The following PPP3CB variants were observed in gnomAD, a reference collection of about 807,000 sequenced individuals.
The protein encoded by PPP3CB is serine/threonine-protein phosphatase 2B catalytic subunit beta isoform.
PPP3CB carries 8 observed loss-of-function variants against 66.4 expected under a neutral mutation model. The observed-to-expected ratio is 0.12, with a 90% confidence interval of 0.07 to 0.22. The LOEUF (loss-of-function observed/expected upper bound fraction) is 0.22. Ranked by LOEUF, PPP3CB falls within the 10% of genes least tolerant of loss-of-function variation. PPP3CB has a pLI of 1.00. For missense variants in PPP3CB, 319 were observed against 642.5 expected, an observed-to-expected ratio of 0.50 and a Z score of 5.44; for synonymous variants, 208 against 221.2, an observed-to-expected ratio of 0.94 and a Z score of 0.53.
chr10:73,463,872 C>T lies in PPP3CB; in HGVS notation c.1108+3681G>A, dbSNP rs538730943. ...GGATGGTCTCGATCTCCTGACCTCGCGATCTGCCTGCCTCGGCCTCCCAAA... is the reference window on the plus strand; with the variant it reads ...GGATGGTCTCGATCTCCTGACCTCGTGATCTGCCTGCCTCGGCCTCCCAAA... On this transcript the variant is annotated intron_variant, in intron 9 of 13. Coordinates refer to ENST00000360663, the MANE Select transcript of PPP3CB (RefSeq NM_021132.4). Among the ~76,000 whole-genome samples, 9 of 151,892 alleles carry T rather than the reference C, an allele frequency of 5.9e-5. No individual in the cohort carries two copies. In the South Asian group the frequency reaches 8.3e-4, roughly 14 times the overall value.
intron 8 of PPP3CB, among the ~76,000 whole-genome samples, chr10:73,470,212 C>A (rs918171107): frequency 1.3e-5 from 2 of 151,950 alleles, no homozygotes; most frequent in African/African-American, 4.8e-5. Flanking sequence ...AAATACAAAT[C>A]TTCATGGGGC....
Position 73,480,436 on chromosome 10 carries a change from T to G in PPP3CB, c.86-919A>C, listed in dbSNP as rs144037464. On this transcript the variant is annotated intron_variant, in intron 1 of 13. Transcript: ENST00000360663. ...AATGTTACCACTGCAAATTTATCCC[T>G]GTAATTTTTTTTTTTTTTTTTTTTT... Among the ~76,000 whole-genome samples the G allele has an allele frequency of 5.8e-3, 878 of 150,274 alleles. 10 individuals carry two copies. The highest frequency in any genetic ancestry group is 0.02 in the African/African-American group (828 of 40,576).
chr10:73,474,720 G>A (rs1359477872), intron 4 of PPP3CB, among the ~76,000 whole-genome samples, 199 bp downstream of exon 4: 3 of 152,084 alleles, frequency 2.0e-5, no homozygotes, highest in Non-Finnish European at 2.9e-5. Flanking sequence ...GATTACAGGC[G>A]TGAACCACCA....
intron 1 of PPP3CB, among the ~76,000 whole-genome samples, chr10:73,488,552 TAAAAAAAAAA>T (rs74262587): frequency 1.2e-5 from 1 of 84,752 alleles, no homozygotes; most frequent in African/African-American, 4.5e-5. Context: ...TCTTGAGGGT[TAAAAAAAAAA>T]AAAAAAAAAA....
intron 12 of PPP3CB, among the ~76,000 whole-genome samples, chr10:73,443,334 G>GAA (rs1332961784): frequency 1.5e-4 from 18 of 120,098 alleles, no homozygotes; most frequent in African/African-American, 2.6e-4. Flanking sequence ...GAAAGAAAAA[G>GAA]AAAGAGAAGA....
At chr10:73,439,515 A>G (rs2056113646) in intron 13 of PPP3CB, among the ~76,000 whole-genome samples, 1 of 152,212 alleles carries the variant, frequency 6.6e-6, no homozygotes, top group South Asian at 2.1e-4. Flanking sequence ...ATCATGCAAA[A>G]TATGGAACAG....
intron 12 of PPP3CB, among the ~76,000 whole-genome samples, chr10:73,443,312 GAAAGAAAGAAAGAAAGAA>G (rs1318936016): frequency 3.8e-5 from 5 of 131,576 alleles, no homozygotes; most frequent in Admixed American, 3.7e-4. Flanking sequence ...AAGAAAGAAA[GAAAGAAAGAAAGAAAGAA>G]AAAGAAAGAG....
At chr10:73,488,452 T>C (rs1048790529) in intron 1 of PPP3CB, among the ~76,000 whole-genome samples, 2 of 150,468 alleles carry the variant, frequency 1.3e-5, no homozygotes, top group African/African-American at 4.9e-5. Flanking sequence ...GAGGCTGAGT[T>C]GGGGGATCGC....
intron 1 of PPP3CB, among the ~76,000 whole-genome samples, chr10:73,484,052 G>T (rs2056928647): frequency 6.6e-6 from 1 of 151,952 alleles, no homozygotes; most frequent in Non-Finnish European, 1.5e-5. Context: ...TGAGGCACAA[G>T]AATCGCTTGA....
In PPP3CB at chr10:73,436,517, T is replaced by C. The variant is rs958405866; in HGVS notation, c.*1725A>G. ...CAAAATTCTAGACAATAACATATTT[T>C]CTTTCAATTAAAAGACAATAAACAG... On this transcript the variant is annotated 3_prime_UTR_variant, in exon 14 of 14. Transcript: ENST00000360663. The C allele has an allele frequency of 3.9e-5, 6 of 152,200 alleles. No individual in the cohort carries two copies. The highest frequency in any genetic ancestry group is 1.4e-4 in the African/African-American group (6 of 41,436). 9.4% of individuals were successfully genotyped at this position (152,200 alleles called of 1,614,324 possible).
chr10:73,446,349 C>T, intron 11 of PPP3CB, 143 bp downstream of exon 11: 2 of 742,196 alleles, frequency 2.7e-6, no homozygotes, highest in South Asian at 3.3e-5. Flanking sequence ...ATCCGCCCGC[C>T]TTGGCATCCC....
intron 9 of PPP3CB, among the ~76,000 whole-genome samples, chr10:73,466,541 C>T (rs1383959793): frequency 1.3e-5 from 2 of 152,112 alleles, no homozygotes; most frequent in African/African-American, 4.8e-5. Context: ...GTAATGCATC[C>T]CTTGCACCTA....
chr10:73,479,657 T>A, intron 1 of PPP3CB, 140 bp from the exon 2 acceptor site: 1 of 761,042 alleles, frequency 1.3e-6, no homozygotes, highest in South Asian at 2.2e-5. Flanking sequence ...GAAGTGTTTT[T>A]CTAAATAGTA....
intron 9 of PPP3CB, among the ~76,000 whole-genome samples, chr10:73,461,990 C>T (rs1423863018): frequency 3.9e-5 from 6 of 152,000 alleles, no homozygotes; most frequent in South Asian, 2.1e-4. Context: ...TCTTCCCCCT[C>T]GCTCTCTTGC....
chr10:73,481,220 T>C (rs896026980), intron 1 of PPP3CB, among the ~76,000 whole-genome samples: 1 of 148,362 alleles, frequency 6.7e-6, no homozygotes, highest in African/African-American at 2.5e-5. Flanking sequence ...ACACCTGAAA[T>C]CCCAGACTTG....
intron 1 of PPP3CB, among the ~76,000 whole-genome samples, chr10:73,479,973 G>A (rs2132975565): frequency 6.6e-6 from 1 of 152,088 alleles, no homozygotes; most frequent in East Asian, 1.9e-4. Flanking sequence ...ACCAGCCTGG[G>A]CAACACAGCG....
At chr10:73,478,678 T>G in intron 2 of PPP3CB, 55 bp from the exon 3 acceptor site, 1 of 1,497,776 alleles carries the variant, frequency 6.7e-7, no homozygotes, top group Non-Finnish European at 9.2e-7. Context: ...CAACAAATTT[T>G]ACTTAAGTTA....
Position 73,439,858 on chromosome 10 carries a change from G to A in PPP3CB, c.1396+14C>T, listed in dbSNP as rs989251423. On this transcript the variant is annotated intron_variant, in intron 13 of 13. Coordinates refer to ENST00000360663, the MANE Select transcript of PPP3CB (RefSeq NM_021132.4). Reference sequence around the variant, plus strand: ...ACCACAGATCTCTGCCCAGCACAAGGACTCTGATCATACCTTTTTCAGCCT... The same window carrying A: ...ACCACAGATCTCTGCCCAGCACAAGAACTCTGATCATACCTTTTTCAGCCT... The A allele has an allele frequency of 6.2e-7, 1 of 1,612,416 alleles. No individual in the cohort carries two copies. The highest frequency in any genetic ancestry group is 1.1e-5 in the South Asian group (1 of 91,010).
At chr10:73,443,336 AAGAG>A (rs1362024005) in intron 12 of PPP3CB, among the ~76,000 whole-genome samples, 1 of 139,438 alleles carries the variant, frequency 7.2e-6, no homozygotes, top group Non-Finnish European at 1.6e-5. Context: ...AAGAAAAAGA[AAGAG>A]AAGAGAAGAG....
Sources: allele counts gnomAD v4.1 joint callset (sites outside exome capture counted in the v4.1 genomes callset), GRCh38; gene constraint gnomAD v4.1.1; transcripts MANE v1.5; gene names NCBI Gene and HGNC (gene_info 2026-07-23, HGNC 2026-07-21).